Variants in DCAF6 observed in about 807,000 individuals in gnomAD.
DCAF6 encodes DDB1 and CUL4 associated factor 6.
DCAF6 carries 54 observed loss-of-function variants against 125.1 expected under a neutral mutation model. The observed-to-expected ratio is 0.43, with a 90% CI of 0.35 to 0.54. The LOEUF is 0.54. Ranked by LOEUF, DCAF6 falls within the 20% of genes least tolerant of loss-of-function variation. DCAF6 has a pLI of 0.01. For synonymous variants in DCAF6, 371 were observed against 390.4 expected, an observed-to-expected ratio of 0.95 and a Z score of 0.58; for missense variants, 934 against 1,161.7, an observed-to-expected ratio of 0.80 and a Z score of 2.85.
intron 1 of DCAF6, among the ~76,000 whole-genome samples, chr1:167,948,296 C>T (rs1019450353): frequency 2.6e-5 from 4 of 152,048 alleles, no homozygotes; most frequent in African/African-American, 9.7e-5. Context: ...ATATCTGGAT[C>T]TCTAAATCTC....
chr1:167,880,673 A>G, the DCAF6 span: 1 of 1,259,038 alleles, frequency 7.9e-7, no homozygotes. Context: ...GACTGGCCAG[A>G]AGGCTCAACA....
chr1:167,873,436 CAG>C, the DCAF6 span, among the ~76,000 whole-genome samples: 2 of 152,160 alleles, frequency 1.3e-5, no homozygotes, highest in Non-Finnish European at 2.9e-5. Context: ...AAGTGTGAGA[CAG>C]AGCCTCCTCT....
the DCAF6 span, among the ~76,000 whole-genome samples, chr1:167,925,535 T>G: frequency 1.6e-4 from 21 of 127,482 alleles, no homozygotes; most frequent in Non-Finnish European, 3.0e-4. Flanking sequence ...TTTTTTTTGG[T>G]TTTTTTTTTG....
At chr1:167,907,413 C>T in the DCAF6 span, among the ~76,000 whole-genome samples, 1 of 152,152 alleles carries the variant, frequency 6.6e-6, no homozygotes, top group Non-Finnish European at 1.5e-5. Context: ...TGGGGTTCTC[C>T]TCTGTTTTTG....
intron 5 of DCAF6, 112 bp from the exon 6 acceptor site, chr1:167,991,092 A>T (rs1680756412): frequency 1.1e-6 from 1 of 898,636 alleles, no homozygotes; most frequent in Non-Finnish European, 1.6e-6. Context: ...TTCTTGACTG[A>T]ATTAGGAGTT....
intron 10 of DCAF6, 146 bp downstream of exon 10, chr1:168,004,939 AAC>A (rs1356682483): frequency 2.3e-6 from 2 of 888,024 alleles, no homozygotes; most frequent in Non-Finnish European, 3.3e-6. Flanking sequence ...ATGTAACTTA[AAC>A]ACAAAAATTA....
At chr1:168,057,153 A>C (rs964985396) in intron 17 of DCAF6, among the ~76,000 whole-genome samples, 1 of 152,146 alleles carries the variant, frequency 6.6e-6, no homozygotes, top group African/African-American at 2.4e-5. Flanking sequence ...CTATAATATC[A>C]GTTAATTTGT....
At chr1:167,887,022 C>T in the DCAF6 span, among the ~76,000 whole-genome samples, 1 of 152,104 alleles carries the variant, frequency 6.6e-6, no homozygotes, top group African/African-American at 2.4e-5. Context: ...GTTAGAATGG[C>T]AATCATTAAA....
At chr1:168,019,460 G>A (rs770687349) in intron 11 of DCAF6, 29 of 404,150 alleles carry the variant, frequency 7.2e-5, no homozygotes, top group Middle Eastern at 3.5e-4. Context: ...ATATGTACAT[G>A]TATCAGATGA....
chr1:168,071,453 T>A (rs904933269), intron 21 of DCAF6, among the ~76,000 whole-genome samples: 2 of 151,480 alleles, frequency 1.3e-5, no homozygotes, highest in Admixed American at 6.6e-5. Context: ...AAATAAAAAA[T>A]AAAAAAAATT....
chr1:167,981,082 A>G (rs533183290), intron 4 of DCAF6, among the ~76,000 whole-genome samples: 94 of 151,198 alleles, frequency 6.2e-4, no homozygotes, highest in Admixed American at 2.3e-3. Context: ...AATTTTTTGT[A>G]TTTTAGTAGA....
chr1:167,899,351 A>G, the DCAF6 span: 4 of 1,469,864 alleles, frequency 2.7e-6, no homozygotes, highest in Non-Finnish European at 2.9e-6. Context: ...CAGCGTGCCC[A>G]GTGACTCTTC....
chr1:167,894,493 A>G, the DCAF6 span, among the ~76,000 whole-genome samples: 1 of 152,034 alleles, frequency 6.6e-6, no homozygotes, highest in Non-Finnish European at 1.5e-5. Flanking sequence ...ATAAAGATTG[A>G]TAGTTTTATG....
At chr1:167,986,756 T>C (rs1680062742) in intron 4 of DCAF6, among the ~76,000 whole-genome samples, 1 of 152,204 alleles carries the variant, frequency 6.6e-6, no homozygotes, top group Admixed American at 6.5e-5. Flanking sequence ...CCTGCTTTGC[T>C]GCTCACTTCC....
intron 12 of DCAF6, among the ~76,000 whole-genome samples, chr1:168,032,162 C>G (rs1480190313): frequency 2.0e-5 from 3 of 152,174 alleles, no homozygotes; most frequent in Non-Finnish European, 4.4e-5. Context: ...GAATGGACTT[C>G]CTAATAAATA....
At chr1:168,020,637 T>C (rs1685559950) in intron 11 of DCAF6, among the ~76,000 whole-genome samples, 1 of 152,198 alleles carries the variant, frequency 6.6e-6, no homozygotes, top group Non-Finnish European at 1.5e-5. Flanking sequence ...GTGATTATAT[T>C]CTCTAGAAGG....
intron 4 of DCAF6, among the ~76,000 whole-genome samples, chr1:167,976,984 A>G (rs1353129581): frequency 7.7e-6 from 1 of 129,450 alleles, no homozygotes; most frequent in Non-Finnish European, 1.5e-5. Context: ...GCTCACCACA[A>G]CCTCTGCCTC....
At chr1:168,070,580 A>G (rs1015058976) in intron 21 of DCAF6, among the ~76,000 whole-genome samples, 11 of 152,196 alleles carry the variant, frequency 7.2e-5, no homozygotes, top group Admixed American at 2.0e-4. Context: ...ACAAACTACA[A>G]ATACTTACCT....
the DCAF6 span, among the ~76,000 whole-genome samples, chr1:167,915,187 T>C: frequency 3.9e-5 from 6 of 152,274 alleles, no homozygotes; most frequent in East Asian, 7.7e-4. Context: ...ATATTTACTA[T>C]GAGGAAACAG....
Sources: allele counts gnomAD v4.1 joint callset (sites outside exome capture counted in the v4.1 genomes callset), GRCh38; gene constraint gnomAD v4.1.1; transcripts MANE v1.5; gene names NCBI Gene and HGNC (gene_info 2026-07-23, HGNC 2026-07-21).